CLPTM1: variants seen among roughly 807,000 people sequenced by gnomAD.
The protein encoded by CLPTM1 is CLPTM1 regulator of GABA type A receptor forward trafficking, also known as putative lipid scramblase CLPTM1.
CLPTM1 carries 21 observed loss-of-function variants against 77.3 expected under a neutral mutation model. That is an observed-to-expected ratio of 0.27 (90% CI 0.19 to 0.39). The LOEUF (loss-of-function observed/expected upper bound fraction) is 0.39, where lower values mean the gene tolerates loss of function less well. Ranked by LOEUF, CLPTM1 falls within the 10% of genes least tolerant of loss-of-function variation. The pLI, the probability that CLPTM1 is intolerant of heterozygous loss-of-function variation, is 1.00. For synonymous variants in CLPTM1, 373 were observed against 381.0 expected (o/e 0.98, Z 0.24); for missense variants, 642 against 921.2 (o/e 0.70, Z 3.92).
chr19:44,969,246 A>G (rs1236799470), intron 2 of CLPTM1, among the ~76,000 whole-genome samples: 2 of 152,154 alleles, frequency 1.3e-5, no homozygotes, highest in Non-Finnish European at 2.9e-5. Flanking sequence ...AAACTACCCT[A>G]TGAGAGTAGG....
At chr19:44,954,831 A>T, upstream of CLPTM1, 1 of 1,199,560 alleles carries the variant, frequency 8.3e-7, no homozygotes, top group Non-Finnish European at 1.1e-6. Flanking sequence ...AAAAACACAG[A>T]AAGGATATGA....
intron 9 of CLPTM1, 110 bp downstream of exon 9, chr19:44,988,283 C>T (rs1971015312): frequency 1.3e-6 from 1 of 798,958 alleles, no homozygotes; most frequent in African/African-American, 1.7e-5. Flanking sequence ...CCTGGGGTCT[C>T]TCAGCCCCAC....
rs551913669 is a variant in CLPTM1, at chr19:44,991,589, G to C, written c.1555+216G>C. ...ACGCTTCAGTCCTCATTCTCAGGGG[G>C]CCTTTGTGTCTTGGGAACAAGTAAA... On this transcript the variant is annotated intron_variant, in intron 12 of 13. Transcript: ENST00000337392. This position sits in a 1 kb window ranked among gnomAD's most constrained non-coding sequence, Gnocchi z 5.4. Among the ~76,000 whole-genome samples the C allele has an allele frequency of 1.3e-5, 2 of 152,264 alleles. No homozygotes were observed. The highest frequency in any genetic ancestry group is 2.9e-5 in the Non-Finnish European group (2 of 68,014).
Position 44,990,549 on chromosome 19 carries a change from C to T in CLPTM1, c.1287C>T (p.Ile429=), listed in dbSNP as rs747711779. The change falls in exon 10 of 14, where the codon ATC becomes ATT. Residue 429 remains isoleucine (I), a synonymous_variant. Coordinates refer to ENST00000337392, the MANE Select transcript of CLPTM1 (RefSeq NM_001294.4). This position sits in a 1 kb window ranked among gnomAD's most constrained non-coding sequence, Gnocchi z 4.8. The part of the protein sequence containing the change: ...VQVSVFIGVL[I]DLWKITKVMD... ...TCAGCGTCTTCATTGGGGTCCTCAT[C>T]GACCTCTGGAAGATCACCAAGGTCA... 3 of 1,614,040 alleles carry T rather than the reference C, an allele frequency of 1.9e-6. No individual in the cohort carries two copies. Among genetic ancestry groups the T allele is most frequent in the Non-Finnish European group, 2.5e-6 (3 of 1,179,962 alleles).
chr19:44,993,121 C>G lies in CLPTM1; in HGVS notation c.*224C>G, dbSNP rs1278977822. 1.5e-6 allele frequency: 1 copy of G among 674,128 alleles called. No individual in the cohort carries two copies. The highest frequency in any genetic ancestry group is 1.8e-5 in the African/African-American group (1 of 56,592). The allele number at this position is 674,128 out of a possible 1,614,324, so 41.8% of individuals were successfully genotyped here. A position where few individuals can be genotyped will look rare whatever the true frequency, so the allele number is the denominator to read the frequency against. On this transcript the variant is annotated 3_prime_UTR_variant, in exon 14 of 14. Coordinates refer to ENST00000337392, the MANE Select transcript of CLPTM1 (RefSeq NM_001294.4). ...TCTGTCCCTCTGTGTTTCCAGCCAT[C>G]TCGCCCTGCCAGCCCAGCACCACTG...
chr19:44,982,219 A>G (rs1229199295), intron 5 of CLPTM1, among the ~76,000 whole-genome samples: 1 of 151,960 alleles, frequency 6.6e-6, no homozygotes, highest in African/African-American at 2.4e-5. Flanking sequence ...CATGGTGGCT[A>G]ACGCTTGTAA....
chr19:44,989,013 C>T (rs958543655), intron 9 of CLPTM1, among the ~76,000 whole-genome samples: 1 of 152,170 alleles, frequency 6.6e-6, no homozygotes, highest in African/African-American at 2.4e-5. Flanking sequence ...AGATTCGTTT[C>T]TACACAATTT....
At chr19:44,986,926 T>TC in intron 7 of CLPTM1, 1 of 552,854 alleles carries the variant, frequency 1.8e-6, no homozygotes, top group Non-Finnish European at 3.2e-6. Context: ...GGTTACATGG[T>TC]CACCCACAGG....
At chr19:44,954,835 G>T, upstream of CLPTM1, 1 of 1,201,294 alleles carries the variant, frequency 8.3e-7, no homozygotes. Context: ...ACACAGAAAG[G>T]ATATGAGCTC....
chr19:44,992,247 A>G lies in CLPTM1; in HGVS notation c.1570A>G (p.Thr524Ala). 6.2e-7 allele frequency: 1 copy of G among 1,613,876 alleles called. No homozygotes were observed. The highest frequency in any genetic ancestry group is 8.5e-7 in the Non-Finnish European group (1 of 1,179,908). Residue 524 changes from threonine to alanine, a missense_variant, in exon 13 of 14, where the codon ACG (threonine) becomes GCG (alanine). By Grantham distance (58) the Thr-to-Ala change is moderately conservative. Coordinates refer to ENST00000337392, the MANE Select transcript of CLPTM1 (RefSeq NM_001294.4). The surrounding 1 kb of genome is among the most constrained non-coding windows in gnomAD (Gnocchi z 7.7). ...FLLTFGFITM[T>A]PQLFINYKLK... is the part of the protein sequence containing the mutation. ...TCTCACTGCAGGCTTCATCACCATG[A>G]CGCCCCAGCTCTTCATCAACTACAA...
In CLPTM1 at chr19:44,968,090, G is replaced by A. The variant is rs967911218; in HGVS notation, c.186-4997G>A. The stretch of plus-strand genomic sequence containing the variant: ...CAATATATCTTTGAAATCTTTCCAC[G>A]TCAGTGCATAGGGAGCTTCCTTCAG... On this transcript the variant is annotated intron_variant, in intron 2 of 13. Coordinates refer to ENST00000337392, the MANE Select transcript of CLPTM1 (RefSeq NM_001294.4). 5.3e-5 allele frequency among the ~76,000 whole-genome samples: 8 copies of A among 151,958 alleles called. No individual in the cohort carries two copies. In the East Asian group the frequency reaches 5.8e-4, roughly 11 times the overall value.
intron 2 of CLPTM1, among the ~76,000 whole-genome samples, chr19:44,967,443 G>T (rs556673383): frequency 6.6e-6 from 1 of 152,216 alleles, no homozygotes; most frequent in Non-Finnish European, 1.5e-5. Context: ...TGAATCACCT[G>T]AGGTCGGGAG....
At chr19:44,962,790 G>A (rs914315751) in intron 2 of CLPTM1, among the ~76,000 whole-genome samples, 2 of 151,786 alleles carry the variant, frequency 1.3e-5, no homozygotes, top group African/African-American at 4.8e-5. Context: ...ATCTGGCTGG[G>A]CACGGTGGCT....
At chr19:44,984,990 G>A (rs1970955119) in intron 5 of CLPTM1, among the ~76,000 whole-genome samples, 2 of 152,134 alleles carry the variant, frequency 1.3e-5, no homozygotes, top group African/African-American at 4.8e-5. Context: ...TGGGGTTTCT[G>A]CCTGGGGCAT....
chr19:44,972,936 C>G, intron 2 of CLPTM1, 151 bp from the exon 3 acceptor site: 1 of 1,056,332 alleles, frequency 9.5e-7, no homozygotes, highest in Non-Finnish European at 1.4e-6. Context: ...ATCTCCTTGC[C>G]AGCCCTGTGA....
In CLPTM1 at chr19:44,990,104, C is replaced by T. The variant is rs201490659; in HGVS notation, c.1133-291C>T. On this transcript the variant is annotated intron_variant, in intron 9 of 13. Transcript: ENST00000337392. The surrounding 1 kb of genome is among the most constrained non-coding windows in gnomAD (Gnocchi z 4.8). ...CCTTAGCACCTGGCACGTGGTGAGC[C>T]CTGTCCATGGCACCAGTCACCGTCA... 2.3e-6 allele frequency: 1 copy of T among 438,500 alleles called. No individual in the cohort carries two copies. The highest frequency in any genetic ancestry group is 3.6e-5 in the East Asian group (1 of 27,444). 27.2% of individuals were successfully genotyped at this position (438,500 alleles called of 1,614,324 possible).
chr19:44,961,888 C>G, intron 1 of CLPTM1, 75 bp from the exon 2 acceptor site: 1 of 930,032 alleles, frequency 1.1e-6, no homozygotes, highest in Non-Finnish European at 1.6e-6. Flanking sequence ...CTGTGCCTGG[C>G]CTTCATGCAT....
intron 5 of CLPTM1, among the ~76,000 whole-genome samples, chr19:44,983,923 C>T (rs531960685): frequency 1.3e-5 from 2 of 152,286 alleles, no homozygotes; most frequent in South Asian, 2.1e-4. Flanking sequence ...GATTGTGCCA[C>T]TGCACTCCAG....
upstream of CLPTM1, chr19:44,955,124 G>T: frequency 6.5e-7 from 1 of 1,535,716 alleles, no homozygotes; most frequent in Non-Finnish European, 8.7e-7. Flanking sequence ...CAGAACTTGC[G>T]GGAGGCACAT....
Sources: gnomAD v4.1 joint callset for allele counts (sites outside exome capture counted in the v4.1 genomes callset) on GRCh38, gnomAD v4.1.1 for gene constraint, Gnocchi (gnomAD v3.1) non-coding constraint, MANE v1.5 for transcripts, NCBI Gene and HGNC (gene_info 2026-07-23, HGNC 2026-07-21) for gene names.